The following HEG1 variants were observed in gnomAD, a reference collection of about 807,000 sequenced individuals.
The protein encoded by HEG1 is heart development protein with EGF like domains 1, also known as protein HEG homolog 1.
In HEG1, 56 loss-of-function variants were observed where a neutral mutation model predicts 125.6. The observed-to-expected ratio is 0.45, with a 90% CI of 0.36 to 0.56. HEG1 has a LOEUF of 0.56. Among genes scored for constraint, HEG1 ranks in the 20% least tolerant of loss-of-function variants. The pLI is 0.00. For missense variants in HEG1, 1,523 were observed against 1,670.0 expected, an observed-to-expected ratio of 0.91 and a Z score of 1.53; for synonymous variants, 644 against 668.5, an observed-to-expected ratio of 0.96 and a Z score of 0.57.
At chr3:124,992,286 G>A (rs995240211) in intron 12 of HEG1, among the ~76,000 whole-genome samples, 42 of 152,176 alleles carry the variant, frequency 2.8e-4, no homozygotes, top group Non-Finnish European at 5.1e-4. Context: ...TTGCAGCCTG[G>A]CCATTTCCCT....
At chr3:125,030,907 G>A (rs1937489665) in intron 1 of HEG1, among the ~76,000 whole-genome samples, 1 of 152,152 alleles carries the variant, frequency 6.6e-6, no homozygotes, top group African/African-American at 2.4e-5. Context: ...TTTCCAGTTG[G>A]GAGTGCTGAG....
intron 1 of HEG1, among the ~76,000 whole-genome samples, chr3:125,053,676 C>T (rs1238552249): frequency 1.3e-5 from 2 of 152,294 alleles, no homozygotes; most frequent in East Asian, 1.9e-4. Context: ...CTTCCAGTAC[C>T]TCATATACCT....
intron 9 of HEG1, among the ~76,000 whole-genome samples, chr3:125,002,988 G>T (rs1937021304): frequency 6.6e-6 from 1 of 152,160 alleles, no homozygotes; most frequent in Non-Finnish European, 1.5e-5. Context: ...TCTCAGTACT[G>T]GGCCCAGTGC....
intron 11 of HEG1, among the ~76,000 whole-genome samples, chr3:125,001,230 C>A (rs1936994061): frequency 6.7e-6 from 1 of 150,348 alleles, no homozygotes; most frequent in Non-Finnish European, 1.5e-5. Flanking sequence ...TAATACTGCA[C>A]ATGCTTTTTT....
chr3:125,025,894 T>C (rs539362835), intron 3 of HEG1, among the ~76,000 whole-genome samples: 28 of 152,220 alleles, frequency 1.8e-4, no homozygotes, highest in African/African-American at 6.8e-4. Flanking sequence ...GGAAACTGTA[T>C]ACAGGGTATG....
chr3:124,988,477 C>A (rs1353839634), intron 14 of HEG1, among the ~76,000 whole-genome samples: 1 of 152,120 alleles, frequency 6.6e-6, no homozygotes, highest in African/African-American at 2.4e-5. Flanking sequence ...ACTGAGTGCA[C>A]CAAACACCAT....
chr3:124,981,598 G>T (rs1936654998), intron 14 of HEG1, among the ~76,000 whole-genome samples: 1 of 152,182 alleles, frequency 6.6e-6, no homozygotes, highest in African/African-American at 2.4e-5. Context: ...ACTTCTAGAG[G>T]CTTCTACGGG....
chr3:125,012,577 G>A (rs754077929), intron 6 of HEG1, 46 bp downstream of exon 6: 2 of 1,557,242 alleles, frequency 1.3e-6, no homozygotes, highest in Non-Finnish European at 1.7e-6. Context: ...TCTCAGTGCT[G>A]GACTGGGCCT....
At chr3:125,043,878 G>A (rs1290955640) in intron 1 of HEG1, among the ~76,000 whole-genome samples, 1 of 152,194 alleles carries the variant, frequency 6.6e-6, no homozygotes, top group African/African-American at 2.4e-5. Context: ...GAAGAGGGGG[G>A]AGAGGCGGGT....
rs1395041985 is a variant in HEG1, at chr3:124,965,934, C to T, written c.*4718G>A. 6.6e-6 allele frequency: 1 copy of T among 152,108 alleles called. No homozygotes were observed. Among genetic ancestry groups the T allele is most frequent in the East Asian group, 1.9e-4 (1 of 5,192 alleles). 9.4% of individuals were successfully genotyped at this position (152,108 alleles called of 1,614,324 possible). ...GGTTTAAAGGTTTACAAAGAGAAAT[C>T]CAGGACAACATGAAAACTCCCAAAG... On this transcript the variant is annotated 3_prime_UTR_variant, in exon 17 of 17. Coordinates refer to ENST00000311127, the MANE Select transcript of HEG1 (RefSeq NM_020733.2).
intron 14 of HEG1, among the ~76,000 whole-genome samples, chr3:124,984,288 A>T (rs1287967763): frequency 6.6e-6 from 1 of 152,148 alleles, no homozygotes; most frequent in Admixed American, 6.6e-5. Flanking sequence ...CTACACTGGG[A>T]GGCTGTGAGG....
At chr3:124,995,789 C>T (rs1936913078) in intron 12 of HEG1, among the ~76,000 whole-genome samples, 1 of 152,218 alleles carries the variant, frequency 6.6e-6, no homozygotes, top group Admixed American at 6.5e-5. Flanking sequence ...ACTTGGTCAA[C>T]ATAAGGTTGC....
chr3:125,019,819 C>T (rs937728822), intron 4 of HEG1, among the ~76,000 whole-genome samples: 2 of 152,142 alleles, frequency 1.3e-5, no homozygotes, highest in African/African-American at 4.8e-5. Flanking sequence ...GAACAGGGGA[C>T]CTTTGAAATA....
Position 124,987,924 on chromosome 3 carries a change from TACAC to T in HEG1, c.3733+2859_3733+2862del, listed in dbSNP as rs67009322. Reference sequence around the variant, plus strand: ...TCTCTTCTGAAAGACTATATATGTGTACACACACACACACACACACACACACACA... The same window carrying T: ...TCTCTTCTGAAAGACTATATATGTGTACACACACACACACACACACACACA... On this transcript the variant is annotated intron_variant, in intron 14 of 16. Transcript: ENST00000311127. Among the ~76,000 whole-genome samples the T allele has an allele frequency of 7.0e-4, 47 of 67,620 alleles. 2 individuals are homozygous for T. The highest frequency in any genetic ancestry group is 7.8e-4 in the East Asian group (2 of 2,568). 44.4% of individuals were successfully genotyped at this position (67,620 alleles called of 152,430 possible). A position where few individuals can be genotyped will look rare whatever the true frequency, so the allele number is the denominator to read the frequency against.
chr3:124,992,798 A>T (rs1365747209), intron 12 of HEG1, among the ~76,000 whole-genome samples: 1 of 152,254 alleles, frequency 6.6e-6, no homozygotes, highest in Non-Finnish European at 1.5e-5. Flanking sequence ...TTTCAAAAAC[A>T]CTGTTCTAAA....
chr3:125,047,657 C>T (rs1937696004), intron 1 of HEG1, among the ~76,000 whole-genome samples: 1 of 152,202 alleles, frequency 6.6e-6, no homozygotes, highest in Non-Finnish European at 1.5e-5. Flanking sequence ...GGAGTGAAAC[C>T]CGTCCCCAAG....
chr3:125,017,442 T>TA (rs1265164299), intron 5 of HEG1, among the ~76,000 whole-genome samples: 7 of 152,164 alleles, frequency 4.6e-5, no homozygotes, highest in Admixed American at 2.6e-4. Context: ...TCAAAGAAGA[T>TA]ATACAAGTGG....
chr3:124,980,543 C>T (rs1936629744), intron 14 of HEG1, among the ~76,000 whole-genome samples: 1 of 151,892 alleles, frequency 6.6e-6, no homozygotes, highest in African/African-American at 2.4e-5. Context: ...TTTTTACAGA[C>T]TCTGGCTCCA....
intron 11 of HEG1, among the ~76,000 whole-genome samples, chr3:124,999,718 C>T (rs116161689): frequency 0.011 from 1,721 of 152,316 alleles, 36 homozygotes; most frequent in African/African-American, 0.04. Context: ...AATAGGACCA[C>T]GTAGAATCCC....
Sources: gnomAD v4.1 joint callset for allele counts (sites outside exome capture counted in the v4.1 genomes callset) on GRCh38, gnomAD v4.1.1 for gene constraint, MANE v1.5 for transcripts, NCBI Gene and HGNC (gene_info 2026-07-23, HGNC 2026-07-21) for gene names.